WDR70: variants seen among roughly 807,000 people sequenced by gnomAD.
WDR70 encodes WD repeat domain 70, also known as WD repeat-containing protein 70.
In WDR70, 53 loss-of-function variants were observed where a neutral mutation model predicts 88.6. The ratio of observed to expected loss-of-function variants is 0.60; its 90% CI spans 0.48 to 0.75. WDR70 has a LOEUF of 0.75. Among genes scored for constraint, WDR70 ranks in the 30% least tolerant of loss-of-function variants. The probability of loss-of-function intolerance (pLI) is 0.00; values close to 1 mark genes in which losing one functional copy is unlikely to be tolerated. For missense variants in WDR70, 610 were observed against 823.2 expected (o/e 0.74, Z 3.17); for synonymous variants, 280 against 270.0 (o/e 1.04, Z -0.36).
chr5:37,415,432 C>G (rs1202218273), intron 5 of WDR70, among the ~76,000 whole-genome samples: 1 of 95,128 alleles, frequency 1.1e-5, no homozygotes, highest in African/African-American at 2.9e-5. Context: ...ACCTCCCTCC[C>G]GGACGGGGCG....
chr5:37,471,236 AC>A (rs1739317624), intron 7 of WDR70, among the ~76,000 whole-genome samples: 1 of 150,528 alleles, frequency 6.6e-6, no homozygotes, highest in Admixed American at 6.6e-5. Context: ...CTACCCTCCT[AC>A]CCATAGTCCA....
At position 37,450,210 on chromosome 5, in the gene WDR70, G is replaced by A. The variant is rs531633386; in HGVS notation, c.686+6838G>A. Among the ~76,000 whole-genome samples the A allele has an allele frequency of 2.6e-5, 4 of 152,278 alleles. No individual in the cohort carries two copies. In the South Asian group the frequency reaches 8.3e-4, roughly 32 times the overall value. On this transcript the variant is annotated intron_variant, in intron 7 of 17. Coordinates refer to ENST00000265107, the MANE Select transcript of WDR70 (RefSeq NM_018034.4). ...GTGAACAGTGCTGCAATAAACATAT[G>A]TGTGCATGTGTCTTTATAGTAGAAT...
chr5:37,447,775 C>T (rs4869508), intron 7 of WDR70, among the ~76,000 whole-genome samples: 129,998 of 152,040 alleles, frequency 0.86, 59,192 homozygotes, highest in East Asian at 1. Context: ...CATCACACAC[C>T]GGGGCCTGTC....
At chr5:37,401,385 G>T (rs1040638954) in intron 5 of WDR70, among the ~76,000 whole-genome samples, 1 of 147,430 alleles carries the variant, frequency 6.8e-6, no homozygotes, top group Non-Finnish European at 1.5e-5. Flanking sequence ...GTGCAATCTC[G>T]GCTCACTGCA....
chr5:37,741,715 C>A (rs1031469088), intron 17 of WDR70, among the ~76,000 whole-genome samples: 9 of 152,110 alleles, frequency 5.9e-5, no homozygotes, highest in Admixed American at 2.6e-4. Context: ...AGGCCATGGA[C>A]CAATAGCAGT....
Position 37,724,954 on chromosome 5 carries a change from C to A in WDR70, c.1618C>A (p.Arg540Ser). The change falls in exon 16 of 18, where the codon CGT (arginine) becomes AGT (serine). Residue 540 changes from arginine to serine, a missense_variant. This residue lies in a region of WDR70 where 254 missense variants were observed against 300.7 expected (regional missense o/e 0.84). Coordinates refer to ENST00000265107, the MANE Select transcript of WDR70 (RefSeq NM_018034.4). ...IITPHALPMF[R>S]EPRQRSTRKQ... ...TGTAGCTCATGCCTTGCCTATGTTC[C>A]GTGAGCCCCGCCAACGGAGTACAAG... 6.2e-7 allele frequency: 1 copy of A among 1,613,542 alleles called. No homozygotes were observed. Among genetic ancestry groups the A allele is most frequent in the Non-Finnish European group, 8.5e-7 (1 of 1,179,676 alleles).
Position 37,658,318 on chromosome 5 carries a change from C to T in WDR70, c.1093-39337C>T, listed in dbSNP as rs183180088. 1.1e-4 allele frequency among the ~76,000 whole-genome samples: 17 copies of T among 152,000 alleles called. No individual in the cohort carries two copies. The East Asian group carries it at 3.3e-3, about 30-fold the overall frequency. On this transcript the variant is annotated intron_variant, in intron 10 of 17. Transcript: ENST00000265107. ...GCTAGTTAAAAAAGACACATATTCA[C>T]AAAAGATACCTTTTTAGTGGAAATT...
chr5:37,634,306 A>AG (rs1404753553), intron 10 of WDR70, among the ~76,000 whole-genome samples: 8 of 151,474 alleles, frequency 5.3e-5, no homozygotes, highest in Admixed American at 3.9e-4. Context: ...CTCAAAAAAA[A>AG]AAAAAGAAAA....
intron 9 of WDR70, among the ~76,000 whole-genome samples, chr5:37,588,057 A>T (rs1743416604): frequency 6.6e-6 from 1 of 152,172 alleles, no homozygotes; most frequent in Non-Finnish European, 1.5e-5. Context: ...ACCAAAGTTA[A>T]TTGAAACATT....
intron 17 of WDR70, among the ~76,000 whole-genome samples, chr5:37,746,286 G>A (rs1748635511): frequency 6.6e-6 from 1 of 152,124 alleles, no homozygotes; most frequent in East Asian, 1.9e-4. Context: ...AGTATTAAGA[G>A]GGAAATTTCT....
At chr5:37,728,480 A>T (rs1748055069) in intron 17 of WDR70, among the ~76,000 whole-genome samples, 1 of 151,880 alleles carries the variant, frequency 6.6e-6, no homozygotes, top group East Asian at 1.9e-4. Flanking sequence ...CCATCATAAC[A>T]GTTACCTTTC....
At chr5:37,652,322 T>A (rs1299055898) in intron 10 of WDR70, among the ~76,000 whole-genome samples, 1 of 152,246 alleles carries the variant, frequency 6.6e-6, no homozygotes, top group Non-Finnish European at 1.5e-5. Context: ...ACCAGCACCA[T>A]GCTCTTTTGG....
intron 9 of WDR70, among the ~76,000 whole-genome samples, chr5:37,580,794 A>T (rs1000852479): frequency 1.3e-5 from 2 of 152,168 alleles, no homozygotes; most frequent in African/African-American, 4.8e-5. Flanking sequence ...AACACAAATT[A>T]TTATCAGTTC....
At chr5:37,457,628 A>G (rs1406133875) in intron 7 of WDR70, among the ~76,000 whole-genome samples, 2 of 152,216 alleles carry the variant, frequency 1.3e-5, no homozygotes, top group African/African-American at 4.8e-5. Flanking sequence ...TATTTATTAT[A>G]GCATTATATG....
At chr5:37,519,453 A>G (rs1195500151) in intron 9 of WDR70, among the ~76,000 whole-genome samples, 1 of 140,216 alleles carries the variant, frequency 7.1e-6, no homozygotes, top group Non-Finnish European at 1.5e-5. Context: ...CCCACTTCCC[A>G]GATGATGGGC....
chr5:37,699,834 G>C (rs1354577427), intron 11 of WDR70, among the ~76,000 whole-genome samples: 1 of 151,910 alleles, frequency 6.6e-6, no homozygotes, highest in Non-Finnish European at 1.5e-5. Flanking sequence ...TGTAGTCCCA[G>C]CTACTCGGGA....
chr5:37,591,401 T>C (rs1265901716), intron 9 of WDR70, among the ~76,000 whole-genome samples: 1 of 152,228 alleles, frequency 6.6e-6, no homozygotes, highest in Non-Finnish European at 1.5e-5. Context: ...CATTGAAAGA[T>C]AATTGGGAAT....
Position 37,512,836 on chromosome 5 carries a change from T to A in WDR70, c.841-3678T>A, listed in dbSNP as rs552233904. Among the ~76,000 whole-genome samples, 7 of 152,186 alleles carry A rather than the reference T, an allele frequency of 4.6e-5. No individual in the cohort carries two copies. The East Asian group carries it at 1.4e-3, about 29-fold the overall frequency. ...CTGAGCTCAAGCAATCCGCCTGTCTTGGCCTCCCAAAGAGCTGGGATTACT... is the reference window on the plus strand; with the variant it reads ...CTGAGCTCAAGCAATCCGCCTGTCTAGGCCTCCCAAAGAGCTGGGATTACT... On this transcript the variant is annotated intron_variant, in intron 8 of 17. Coordinates refer to ENST00000265107, the MANE Select transcript of WDR70 (RefSeq NM_018034.4).
At chr5:37,445,416 A>G (rs1408173990) in intron 7 of WDR70, among the ~76,000 whole-genome samples, 1 of 151,914 alleles carries the variant, frequency 6.6e-6, no homozygotes, top group Non-Finnish European at 1.5e-5. Flanking sequence ...TGATTTTCCT[A>G]TTCTGTTATT....
Sources: allele counts gnomAD v4.1 joint callset (sites outside exome capture counted in the v4.1 genomes callset), GRCh38; gene constraint gnomAD v4.1.1; regional missense constraint gnomAD v4.1.1; transcripts MANE v1.5; gene names NCBI Gene and HGNC (gene_info 2026-07-23, HGNC 2026-07-21).